Variants in GCA observed in about 807,000 individuals in gnomAD.
The protein encoded by GCA is grancalcin.
A neutral mutation model predicts 32.6 loss-of-function variants in GCA; 30 were observed. That is an observed-to-expected ratio of 0.92 (90% CI 0.69 to 1.25). The LOEUF (loss-of-function observed/expected upper bound fraction) is 1.25. Ranked by LOEUF, GCA falls within the 50% of genes most tolerant of loss-of-function variation. The pLI is 0.00. For missense variants in GCA, 291 were observed against 266.8 expected, an observed-to-expected ratio of 1.09 and a Z score of -0.63; for synonymous variants, 102 against 84.6, an observed-to-expected ratio of 1.21 and a Z score of -1.13.
intron 2 of GCA, 131 bp downstream of exon 2, chr2:162,347,873 C>T: frequency 2.1e-6 from 1 of 469,936 alleles, no homozygotes; most frequent in Non-Finnish European, 3.6e-6. Context: ...AATTTTTTTC[C>T]TGAGATCAGA....
chr2:162,369,400 C>T (rs934788789), intron 4 of GCA, among the ~76,000 whole-genome samples: 1 of 152,068 alleles, frequency 6.6e-6, no homozygotes, highest in African/African-American at 2.4e-5. Context: ...TCCTGTCCAA[C>T]TCTCTGAGGG....
downstream of GCA, among the ~76,000 whole-genome samples, chr2:162,374,543 G>A (rs1054836555): frequency 1.7e-4 from 26 of 151,932 alleles, no homozygotes; most frequent in African/African-American, 5.1e-4. Flanking sequence ...ACTTATTTGC[G>A]CTGACTGTTT....
Position 162,360,861 on chromosome 2 carries a change from A to G in GCA, c.*618A>G. The G allele has an allele frequency of 1.8e-6, 2 of 1,128,880 alleles. No individual in the cohort carries two copies. Among genetic ancestry groups the G allele is most frequent in the South Asian group, 4.1e-5 (1 of 24,112 alleles). 69.9% of individuals were successfully genotyped at this position (1,128,880 alleles called of 1,614,324 possible). A position where few individuals can be genotyped will look rare whatever the true frequency, so the allele number is the denominator to read the frequency against. ...TTTTTCCTTTTTTATTTTTTGTATT[A>G]TATATTTTTCTTAAATATGTTTTAT... On this transcript the variant is annotated 3_prime_UTR_variant, in exon 8 of 8. Coordinates refer to ENST00000437150, the MANE Select transcript of GCA (RefSeq NM_012198.5).
upstream of GCA, chr2:162,318,951 A>T (rs1683572447): frequency 3.4e-6 from 1 of 292,384 alleles, no homozygotes; most frequent in Admixed American, 4.2e-5. Context: ...TGTAGGCCAA[A>T]ATGTGCAGGG....
chr2:162,336,392 G>C (rs1455813338), intron 1 of GCA, among the ~76,000 whole-genome samples: 1 of 152,062 alleles, frequency 6.6e-6, no homozygotes, highest in Non-Finnish European at 1.5e-5. Context: ...TGCTCAAATG[G>C]TTTCTATGTC....
chr2:162,369,143 C>T (rs966084438), intron 4 of GCA, among the ~76,000 whole-genome samples: 11 of 152,024 alleles, frequency 7.2e-5, no homozygotes, highest in African/African-American at 1.7e-4. Flanking sequence ...ACCTGGCTCT[C>T]GGCATGATCC....
chr2:162,361,292 C>T lies in GCA; in HGVS notation c.*1049C>T, dbSNP rs1029767155. On this transcript the variant is annotated 3_prime_UTR_variant, in exon 8 of 8. Coordinates refer to ENST00000437150, the MANE Select transcript of GCA (RefSeq NM_012198.5). ...GGTACTAAAACTGCCGAAAATGCGA[C>T]GTAGAATCACCAGATCTTTAGTGTT... 6 of 984,458 alleles carry T rather than the reference C, an allele frequency of 6.1e-6. No individual in the cohort carries two copies. Among genetic ancestry groups the T allele is most frequent in the South Asian group, 4.7e-5 (1 of 21,284 alleles). The allele number at this position is 984,458 out of a possible 1,614,324, so 61.0% of individuals were successfully genotyped here.
At position 162,361,549 on chromosome 2, in the gene GCA, A is replaced by T; in HGVS notation, c.*1306A>T. 1.0e-6 allele frequency: 1 copy of T among 982,084 alleles called. No homozygotes were observed. The highest frequency in any genetic ancestry group is 4.7e-5 in the South Asian group (1 of 21,224). The allele number at this position is 982,084 out of a possible 1,614,324, so 60.8% of individuals were successfully genotyped here. ...TGGAGGATAGATGGCAATATCTTGA[A>T]CAAAATCTTTTATAAACTTACAGAA... On this transcript the variant is annotated 3_prime_UTR_variant, in exon 8 of 8. Transcript: ENST00000437150.
intron 5 of GCA, among the ~76,000 whole-genome samples, chr2:162,357,408 A>G (rs1320076842): frequency 6.6e-6 from 1 of 151,850 alleles, no homozygotes; most frequent in Non-Finnish European, 1.5e-5. Flanking sequence ...TATACCTCTG[A>G]TAAGCTGATG....
chr2:162,331,959 C>CTAAATTA (rs1684100891), intron 1 of GCA, among the ~76,000 whole-genome samples: 3 of 152,060 alleles, frequency 2.0e-5, no homozygotes, highest in Non-Finnish European at 4.4e-5. Context: ...ATTCATTGGC[C>CTAAATTA]TGGGCATTGT....
intron 4 of GCA, among the ~76,000 whole-genome samples, chr2:162,369,331 G>A (rs1457674656): frequency 4.6e-5 from 7 of 151,986 alleles, no homozygotes; most frequent in South Asian, 2.1e-4. Context: ...AACTAATCAC[G>A]TCTTTATATT....
At chr2:162,331,224 T>C (rs560589308) in intron 1 of GCA, among the ~76,000 whole-genome samples, 1 of 152,364 alleles carries the variant, frequency 6.6e-6, no homozygotes, top group Admixed American at 6.5e-5. Context: ...GGCAGAGCAC[T>C]GCCTTGTTTG....
intron 4 of GCA, 22 bp downstream of exon 4, chr2:162,356,503 A>C: frequency 6.9e-7 from 1 of 1,445,022 alleles, no homozygotes; most frequent in Non-Finnish European, 9.7e-7. Flanking sequence ...TAGAAATAGA[A>C]AATACTAGAA....
At position 162,344,385 on chromosome 2, in the gene GCA, C is replaced by T. The variant is rs1003729671; in HGVS notation, c.27+110C>T. The T allele has an allele frequency of 2.0e-5, 21 of 1,056,838 alleles. No homozygotes were observed. In the African/African-American group the frequency reaches 2.4e-4, roughly 12 times the overall value. 65.5% of individuals were successfully genotyped at this position (1,056,838 alleles called of 1,614,324 possible). A position where few individuals can be genotyped will look rare whatever the true frequency, so the allele number is the denominator to read the frequency against. On this transcript the variant is annotated intron_variant, in intron 1 of 7. Coordinates refer to ENST00000437150, the MANE Select transcript of GCA (RefSeq NM_012198.5). ...TGGCTCCTGCTCCCTGCGTCCGCGC[C>T]TGGTACTCGGCGGCGCCGGATTCCG...
intron 1 of GCA, among the ~76,000 whole-genome samples, chr2:162,338,946 T>C (rs1178583127): frequency 6.6e-6 from 1 of 152,196 alleles, no homozygotes; most frequent in Non-Finnish European, 1.5e-5. Context: ...TTGTTAACAA[T>C]TTTATGCTAA....
At chr2:162,364,059 T>A (rs560098418), downstream of GCA, among the ~76,000 whole-genome samples, 2 of 151,650 alleles carry the variant, frequency 1.3e-5, no homozygotes, top group South Asian at 4.1e-4. Flanking sequence ...GCCTAGATCA[T>A]CATTTAATAG....
intron 1 of GCA, 89 bp downstream of exon 1, chr2:162,344,364 T>A: frequency 1.6e-6 from 2 of 1,279,624 alleles, no homozygotes; most frequent in Non-Finnish European, 2.2e-6. Flanking sequence ...CGCCCTTGGC[T>A]CCTGCTCCCT....
intron 1 of GCA, among the ~76,000 whole-genome samples, chr2:162,337,421 G>A (rs775692954): frequency 1.3e-5 from 2 of 152,170 alleles, no homozygotes; most frequent in South Asian, 2.1e-4. Flanking sequence ...GCTGTATCAG[G>A]CCTGATTGGT....
At chr2:162,373,913 C>T (rs1255016680), downstream of GCA, among the ~76,000 whole-genome samples, 1 of 152,126 alleles carries the variant, frequency 6.6e-6, no homozygotes, top group African/African-American at 2.4e-5. Flanking sequence ...ACAAAATAGA[C>T]TACATGTTTA....
Sources: allele counts gnomAD v4.1 joint callset (sites outside exome capture counted in the v4.1 genomes callset), GRCh38; gene constraint gnomAD v4.1.1; transcripts MANE v1.5; gene names NCBI Gene and HGNC (gene_info 2026-07-23, HGNC 2026-07-21).